CMC1: variants seen among roughly 807,000 people sequenced by gnomAD.
The protein encoded by CMC1 is COX assembly mitochondrial protein homolog.
CMC1 carries 14 observed loss-of-function variants against 14.1 expected under a neutral mutation model. That is an observed-to-expected ratio of 0.99 (90% CI 0.66 to 1.55). The LOEUF is 1.55. Among genes scored for constraint, CMC1 ranks in the 40% most tolerant of loss-of-function variants. The pLI, the probability that CMC1 is intolerant of heterozygous loss-of-function variation, is 0.00. For missense variants in CMC1, 127 were observed against 123.8 expected (o/e 1.03, Z -0.12); for synonymous variants, 50 against 38.4 (o/e 1.30, Z -1.12).
Position 28,323,919 on chromosome 3 carries a change from T to A in CMC1, c.*4290T>A. On this transcript the variant is annotated 3_prime_UTR_variant, in exon 4 of 4. Transcript: ENST00000466830. ...TACTATTGTACAGTGTGTTCAAATA[T>A]AGATACTGAAGACCTCTGCAAAATT... is the stretch of plus-strand genomic sequence containing the variant. 1 of 1,118,846 alleles carries A rather than the reference T, an allele frequency of 8.9e-7. No individual in the cohort carries two copies. Among genetic ancestry groups the A allele is most frequent in the Non-Finnish European group, 1.3e-6 (1 of 785,368 alleles). 69.3% of individuals were successfully genotyped at this position (1,118,846 alleles called of 1,614,324 possible). A position where few individuals can be genotyped will look rare whatever the true frequency, so the allele number is the denominator to read the frequency against.
intron 1 of CMC1, among the ~76,000 whole-genome samples, chr3:28,255,722 T>C (rs199906034): frequency 6.9e-5 from 10 of 144,354 alleles, no homozygotes; most frequent in East Asian, 2.1e-4. Flanking sequence ...TACATGTACA[T>C]ACACACACAC....
intron 2 of CMC1, among the ~76,000 whole-genome samples, chr3:28,267,974 A>C (rs1700091812): frequency 6.6e-6 from 1 of 152,188 alleles, no homozygotes. Context: ...TTTGTCATTA[A>C]CCAGTGCACC....
At chr3:28,315,737 CTA>C (rs1422057478) in intron 2 of CMC1, among the ~76,000 whole-genome samples, 19 of 152,070 alleles carry the variant, frequency 1.2e-4, no homozygotes, top group Non-Finnish European at 2.2e-4. Flanking sequence ...TGTACCTTTT[CTA>C]TGTTTAGAAA....
chr3:28,319,711 A>C lies in CMC1; in HGVS notation c.*82A>C. 1 of 1,105,040 alleles carries C rather than the reference A, an allele frequency of 9.0e-7. No individual in the cohort carries two copies. The allele number at this position is 1,105,040 out of a possible 1,614,324, so 68.5% of individuals were successfully genotyped here. Reference sequence around the variant, plus strand: ...CCTTAAATAATGGACTCAAGCATATATGTTTGCTTTACCTTAATTATGGAA... The same window carrying C: ...CCTTAAATAATGGACTCAAGCATATCTGTTTGCTTTACCTTAATTATGGAA... On this transcript the variant is annotated 3_prime_UTR_variant, in exon 4 of 4. Transcript: ENST00000466830.
Position 28,323,407 on chromosome 3 carries a change from T to A in CMC1, c.*3778T>A, listed in dbSNP as rs1214799229. On this transcript the variant is annotated 3_prime_UTR_variant, in exon 4 of 4. Transcript: ENST00000466830. ...ACTTAAGGAATGTGCTGGGACAAAG[T>A]TGGCTTCAGTGATCAGGTTGTTTCA... 6.6e-6 allele frequency: 1 copy of A among 150,574 alleles called. No homozygotes were observed. Among genetic ancestry groups the A allele is most frequent in the African/African-American group, 2.4e-5 (1 of 41,118 alleles). The allele number at this position is 150,574 out of a possible 1,614,324, so 9.3% of individuals were successfully genotyped here.
intron 2 of CMC1, among the ~76,000 whole-genome samples, chr3:28,267,762 A>G (rs544604927): frequency 5.9e-5 from 9 of 152,352 alleles, no homozygotes; most frequent in East Asian, 5.8e-4. Flanking sequence ...ACAAAAAACA[A>G]TCAAGTCAAG....
intron 1 of CMC1, among the ~76,000 whole-genome samples, chr3:28,261,027 G>A (rs1223030726): frequency 6.6e-6 from 1 of 152,166 alleles, no homozygotes; most frequent in Non-Finnish European, 1.5e-5. Flanking sequence ...CTTAGTAGAT[G>A]TTCTGCTGTT....
In CMC1 at chr3:28,322,660, T is replaced by G. The variant is rs1018852531; in HGVS notation, c.*3031T>G. 6.6e-6 allele frequency: 1 copy of G among 151,598 alleles called. No individual in the cohort carries two copies. Among genetic ancestry groups the G allele is most frequent in the Non-Finnish European group, 1.5e-5 (1 of 67,408 alleles). The allele number at this position is 151,598 out of a possible 1,614,324, so 9.4% of individuals were successfully genotyped here. A position where few individuals can be genotyped will look rare whatever the true frequency, so the allele number is the denominator to read the frequency against. On this transcript the variant is annotated 3_prime_UTR_variant, in exon 4 of 4. Coordinates refer to ENST00000466830, the MANE Select transcript of CMC1 (RefSeq NM_182523.2). ...TTGGTTCTATTACTTGGCAGGAGATTGTACTCCCCTGAGTCAGCTGTGTTC... is the reference window on the plus strand; with the variant it reads ...TTGGTTCTATTACTTGGCAGGAGATGGTACTCCCCTGAGTCAGCTGTGTTC...
chr3:28,310,337 T>C (rs1202634351), intron 2 of CMC1, among the ~76,000 whole-genome samples: 1 of 152,222 alleles, frequency 6.6e-6, no homozygotes, highest in Non-Finnish European at 1.5e-5. Flanking sequence ...CCCCAGAAGC[T>C]AGCACAGTGT....
intron 2 of CMC1, among the ~76,000 whole-genome samples, chr3:28,301,696 A>T (rs1268527929): frequency 6.6e-6 from 1 of 152,064 alleles, no homozygotes; most frequent in Non-Finnish European, 1.5e-5. Flanking sequence ...AATAAATTTG[A>T]CAAATGAGCG....
At chr3:28,277,196 A>C (rs1324537663) in intron 2 of CMC1, among the ~76,000 whole-genome samples, 1 of 152,192 alleles carries the variant, frequency 6.6e-6, no homozygotes, top group African/African-American at 2.4e-5. Flanking sequence ...AAGGTGATAG[A>C]GATTTTATTC....
At chr3:28,254,516 C>T (rs1443310901) in intron 1 of CMC1, among the ~76,000 whole-genome samples, 1 of 151,966 alleles carries the variant, frequency 6.6e-6, no homozygotes, top group East Asian at 1.9e-4. Flanking sequence ...GATCAGATGT[C>T]TTGACAAGCC....
intron 1 of CMC1, 189 bp downstream of exon 1, chr3:28,242,001 G>T: frequency 2.1e-6 from 1 of 475,300 alleles, no homozygotes; most frequent in Non-Finnish European, 3.4e-6. Flanking sequence ...TGGGGATTAT[G>T]GTTATCTGAG....
chr3:28,301,801 G>A (rs568928806), intron 2 of CMC1, among the ~76,000 whole-genome samples: 1 of 152,094 alleles, frequency 6.6e-6, no homozygotes, highest in Non-Finnish European at 1.5e-5. Context: ...GCCAGGAGAA[G>A]AGAAAAAAAT....
At position 28,258,614 on chromosome 3, in the gene CMC1, A is replaced by ATTT. The variant is rs61323375; in HGVS notation, c.20-4656_20-4654dup. On this transcript the variant is annotated intron_variant, in intron 1 of 3. Transcript: ENST00000466830. ...CGTATATACATGGAAGTATTTCTGG[A>ATTT]TTTTTTTTTTTTTTTTTTTTTTTGA... 4.1e-3 allele frequency among the ~76,000 whole-genome samples: 406 copies of ATTT among 99,128 alleles called. 20 individuals are homozygous for ATTT. The highest frequency in any genetic ancestry group is 0.013 in the African/African-American group (299 of 23,118). 65.0% of individuals were successfully genotyped at this position (99,128 alleles called of 152,430 possible).
At chr3:28,267,925 AT>A (rs1700089156) in intron 2 of CMC1, among the ~76,000 whole-genome samples, 1 of 152,074 alleles carries the variant, frequency 6.6e-6, no homozygotes, top group Non-Finnish European at 1.5e-5. Context: ...CTGCCTTTTT[AT>A]TTGTTGTTTG....
intron 1 of CMC1, among the ~76,000 whole-genome samples, chr3:28,245,042 C>T (rs1210592316): frequency 1.3e-5 from 2 of 151,404 alleles, no homozygotes; most frequent in Admixed American, 6.6e-5. Flanking sequence ...GTACAGCCCA[C>T]GATGGTATTT....
At chr3:28,293,261 A>G (rs1345072172) in intron 2 of CMC1, among the ~76,000 whole-genome samples, 1 of 151,866 alleles carries the variant, frequency 6.6e-6, no homozygotes, top group Non-Finnish European at 1.5e-5. Context: ...AGTTGATATT[A>G]GAGAAAAGAG....
At chr3:28,301,135 A>G (rs773799053) in intron 2 of CMC1, among the ~76,000 whole-genome samples, 3 of 152,176 alleles carry the variant, frequency 2.0e-5, no homozygotes, top group Non-Finnish European at 2.9e-5. Context: ...ATATAAAAAT[A>G]CTTTTTGCTT....
Sources: gnomAD v4.1 joint callset for allele counts (sites outside exome capture counted in the v4.1 genomes callset) on GRCh38, gnomAD v4.1.1 for gene constraint, MANE v1.5 for transcripts, NCBI Gene and HGNC (gene_info 2026-07-23, HGNC 2026-07-21) for gene names.